IZUMO1R: variants seen among roughly 807,000 people sequenced by gnomAD.
The protein encoded by IZUMO1R is sperm-egg fusion protein Juno.
Under a neutral mutation model 22.1 loss-of-function variants are expected in IZUMO1R, and 24 were observed. That is an observed-to-expected ratio of 1.09 (90% CI 0.79 to 1.53). IZUMO1R has a LOEUF of 1.53. IZUMO1R is among the 40% of genes most tolerant of loss of function. IZUMO1R has a pLI of 0.00. For synonymous variants in IZUMO1R, 133 were observed against 121.2 expected, an observed-to-expected ratio of 1.10 and a Z score of -0.64; for missense variants, 308 against 314.9, an observed-to-expected ratio of 0.98 and a Z score of 0.17.
Position 94,306,655 on chromosome 11 carries a change from T to C in IZUMO1R, c.281T>C (p.Ile94Thr). The C allele has an allele frequency of 6.2e-7, 1 of 1,614,010 alleles. No individual in the cohort carries two copies. The highest frequency in any genetic ancestry group is 2.2e-5 in the East Asian group (1 of 44,884). ...PGCRKHFIQA[I>T]CFYECSPNLG... ...TGTCGGAAGCACTTCATCCAGGCTA[T>C]CTGCTTCTATGAGTGCTCCCCAAAC... Residue 94 changes from isoleucine (I) to threonine (T), a missense_variant, in exon 3 of 5, where the codon ATC becomes ACC. By Grantham distance (89) the Ile-to-Thr change is moderately conservative. Coordinates refer to ENST00000687084, the MANE Select transcript of IZUMO1R (RefSeq NM_001199206.4).
Position 94,306,506 on chromosome 11 carries a change from C to A in IZUMO1R, c.139-7C>A. On this transcript the variant is annotated splice_region_variant and splice_polypyrimidine_tract_variant and intron_variant, in intron 2 of 4. Coordinates refer to ENST00000687084, the MANE Select transcript of IZUMO1R (RefSeq NM_001199206.4). ...CCTGGGCCTTTTGTTTCTTCCTCTG[C>A]CTTCAGTGCATCCCCTGGAAGGACA... The A allele has an allele frequency of 3.1e-6, 5 of 1,613,644 alleles. No individual in the cohort carries two copies. The highest frequency in any genetic ancestry group is 4.2e-6 in the Non-Finnish European group (5 of 1,179,646).
At chr11:94,306,779 C>T in intron 3 of IZUMO1R, 57 bp downstream of exon 3, 1 of 1,537,414 alleles carries the variant, frequency 6.5e-7, no homozygotes, top group Non-Finnish European at 8.9e-7. Context: ...GAGCTTTCAC[C>T]CGATCTTATG....
At chr11:94,306,767 C>T in intron 3 of IZUMO1R, 45 bp downstream of exon 3, 2 of 1,560,868 alleles carry the variant, frequency 1.3e-6, no homozygotes, top group Non-Finnish European at 1.8e-6. Context: ...TATTAACAGC[C>T]AGAGCTTTCA....
chr11:94,307,363 A>G, intron 4 of IZUMO1R, 61 bp from the exon 5 acceptor site: 1 of 1,611,782 alleles, frequency 6.2e-7, no homozygotes, highest in Non-Finnish European at 8.5e-7. Flanking sequence ...ACAAGGGTGC[A>G]GGTGCAAAGG....
At position 94,307,991 on chromosome 11, in the gene IZUMO1R, C is replaced by A. The variant is rs2134630931; in HGVS notation, c.*299C>A. Among the ~76,000 whole-genome samples the A allele has an allele frequency of 6.6e-6, 1 of 152,156 alleles. No individual in the cohort carries two copies. The highest frequency in any genetic ancestry group is 3.4e-3 in the Middle Eastern group (1 of 292). ...CTGGGGGCTGGAAGTGCCAAGGTGACTGGCCACCTCCTGCCTTGAGGGATG... is the reference window on the plus strand; with the variant it reads ...CTGGGGGCTGGAAGTGCCAAGGTGAATGGCCACCTCCTGCCTTGAGGGATG... On this transcript the variant is annotated 3_prime_UTR_variant, in exon 5 of 5. Coordinates refer to ENST00000687084, the MANE Select transcript of IZUMO1R (RefSeq NM_001199206.4).
intron 1 of IZUMO1R, 69 bp from the exon 2 acceptor site, chr11:94,305,562 C>T (rs2134627816): frequency 6.4e-7 from 1 of 1,567,532 alleles, no homozygotes; most frequent in South Asian, 1.2e-5. Flanking sequence ...TTTCCCAGTG[C>T]CTGCTATGAT....
At chr11:94,305,513 G>C in intron 1 of IZUMO1R, 118 bp from the exon 2 acceptor site, 1 of 1,212,394 alleles carries the variant, frequency 8.2e-7, no homozygotes, top group Non-Finnish European at 1.2e-6. Flanking sequence ...AGCAGCCAGA[G>C]TGTTGCAATT....
chr11:94,306,493 G>T lies in IZUMO1R; in HGVS notation c.139-20G>T, dbSNP rs377686694. The T allele has an allele frequency of 8.1e-5, 130 of 1,612,626 alleles. No individual in the cohort carries two copies. The African/African-American group carries it at 1.4e-3, about 17-fold the overall frequency. ...CTTGCCCCTTTTGCCTGGGCCTTTT[G>T]TTTCTTCCTCTGCCTTCAGTGCATC... On this transcript the variant is annotated intron_variant, in intron 2 of 4. Transcript: ENST00000687084.
At chr11:94,305,505 C>A in intron 1 of IZUMO1R, 126 bp from the exon 2 acceptor site, 1 of 1,140,608 alleles carries the variant, frequency 8.8e-7, no homozygotes, top group Non-Finnish European at 1.3e-6. Context: ...GTCCTAGGAG[C>A]AGCCAGAGTG....
At chr11:94,305,150 A>G (rs7927744) in intron 1 of IZUMO1R, among the ~76,000 whole-genome samples, 57,523 of 151,678 alleles carry the variant, frequency 0.38, 11,382 homozygotes, top group South Asian at 0.49. Flanking sequence ...GACTTGGGGG[A>G]CTGGGGGAGC....
chr11:94,306,627 G>A lies in IZUMO1R; in HGVS notation c.253G>A (p.Gly85Ser), dbSNP rs1565419950. The A allele has an allele frequency of 1.2e-6, 2 of 1,613,872 alleles. No individual in the cohort carries two copies. The highest frequency in any genetic ancestry group is 1.7e-6 in the Non-Finnish European group (2 of 1,179,896). Residue 85 changes from glycine (G) to serine (S), a missense_variant, in exon 3 of 5, where the codon GGC (glycine) becomes AGC (serine). Transcript: ENST00000687084. ...SLFHCGLLMP[G>S]CRKHFIQAIC... ...GTTTCACTGTGGACTGCTGATGCCT[G>A]GCTGTCGGAAGCACTTCATCCAGGC...
chr11:94,304,740 C>G lies in IZUMO1R; in HGVS notation c.-146C>G, dbSNP rs559038769. On this transcript the variant is annotated 5_prime_UTR_variant, in exon 1 of 5. Transcript: ENST00000687084. ...TGAGACAGATGCTGTTTAATGAGAG[C>G]CACGTGGAGTTCTCCTCCTGCACCT... Among the ~76,000 whole-genome samples the G allele has an allele frequency of 6.6e-6, 1 of 152,158 alleles. No homozygotes were observed. The highest frequency in any genetic ancestry group is 2.1e-4 in the South Asian group (1 of 4,818).
chr11:94,307,110 T>C, intron 3 of IZUMO1R, 55 bp from the exon 4 acceptor site: 1 of 1,549,100 alleles, frequency 6.5e-7, no homozygotes, highest in South Asian at 1.2e-5. Flanking sequence ...TAGCTATTAG[T>C]AGTCTTCACA....
At position 94,307,228 on chromosome 11, in the gene IZUMO1R, G is replaced by T. The variant is rs1172931721; in HGVS notation, c.412G>T (p.Glu138Ter). Reference protein sequence around the residue: ...NVPLCQEDCEEWWEDCRMSYT... With the variant: ...NVPLCQEDCE Reference sequence around the variant, plus strand: ...GCCGCTGTGCCAGGAGGACTGTGAGGAGTGGTGGGAAGACTGTCGCATGTC... The same window carrying T: ...GCCGCTGTGCCAGGAGGACTGTGAGTAGTGGTGGGAAGACTGTCGCATGTC... Residue 138 changes from glutamate (E) to a stop codon, truncating the protein, a stop_gained, in exon 4 of 5, where the codon GAG becomes TAG. Coordinates refer to ENST00000687084, the MANE Select transcript of IZUMO1R (RefSeq NM_001199206.4). LOFTEE classifies it high-confidence loss of function. The T allele has an allele frequency of 2.5e-6, 4 of 1,607,922 alleles. No individual in the cohort carries two copies. Among genetic ancestry groups the T allele is most frequent in the Non-Finnish European group, 8.5e-7 (1 of 1,177,280 alleles).
rs774651094 is a variant in IZUMO1R, at chr11:94,306,634, G to A, written c.260G>A (p.Arg87Gln). 159 of 1,613,842 alleles carry A rather than the reference G, an allele frequency of 9.9e-5. No individual in the cohort carries two copies. Among genetic ancestry groups the A allele is most frequent in the Non-Finnish European group, 1.2e-4 (142 of 1,179,890 alleles). ...FHCGLLMPGC[R>Q]KHFIQAICFY... ...TGTGGACTGCTGATGCCTGGCTGTC[G>A]GAAGCACTTCATCCAGGCTATCTGC... Residue 87 changes from arginine (R) to glutamine (Q), a missense_variant, in exon 3 of 5, where the codon CGG becomes CAG. Physicochemically the swap from Arg to Gln is conservative, Grantham distance 43. Transcript: ENST00000687084.
At chr11:94,306,799 C>T in intron 3 of IZUMO1R, 77 bp downstream of exon 3, 1 of 1,407,920 alleles carries the variant, frequency 7.1e-7, no homozygotes, top group Non-Finnish European at 9.9e-7. Context: ...GCTGATGCCG[C>T]CAGGATGCTA....
chr11:94,307,696 C>G lies in IZUMO1R; in HGVS notation c.*4C>G, dbSNP rs773755309. On this transcript the variant is annotated 3_prime_UTR_variant, in exon 5 of 5. Transcript: ENST00000687084. The stretch of plus-strand genomic sequence containing the variant: ...GTTCCTGCCGTTCCTTTCCTGAGAG[C>G]CCTTCTTCTCCCACTCACATTCCTG... The G allele has an allele frequency of 6.2e-7, 1 of 1,610,032 alleles. No homozygotes were observed. The highest frequency in any genetic ancestry group is 8.5e-7 in the Non-Finnish European group (1 of 1,176,738).
At position 94,306,718 on chromosome 11, in the gene IZUMO1R, G is replaced by T. The variant is rs774759389; in HGVS notation, c.344G>T (p.Trp115Leu). ...PWIQPVGSLGWEVAPSGQGER... is the reference protein window; with the variant it reads ...PWIQPVGSLGLEVAPSGQGER... The stretch of plus-strand genomic sequence containing the variant: ...ATCCAGCCAGTGGGAAGCCTGGGGT[G>T]GGAGGTAGGAAGCAGATCTGTGCCA... Residue 115 changes from tryptophan to leucine, a missense_variant, in exon 3 of 5, where the codon TGG becomes TTG. Transcript: ENST00000687084. The T allele has an allele frequency of 6.2e-6, 10 of 1,613,744 alleles. 1 individual carries two copies. The South Asian group carries it at 1.1e-4, about 18-fold the overall frequency.
intron 3 of IZUMO1R, 32 bp downstream of exon 3, chr11:94,306,754 TTA>T (rs762051120): frequency 2.0e-5 from 31 of 1,588,228 alleles, no homozygotes; most frequent in Non-Finnish European, 2.7e-5. Flanking sequence ...TGCCCTGTTA[TTA>T]TATTAACAGC....
Sources: gnomAD v4.1 joint callset for allele counts (sites outside exome capture counted in the v4.1 genomes callset) on GRCh38, gnomAD v4.1.1 for gene constraint, MANE v1.5 for transcripts, NCBI Gene and HGNC (gene_info 2026-07-23, HGNC 2026-07-21) for gene names.